Variants in OXCT1 observed in about 807,000 individuals in gnomAD.
OXCT1 encodes 3-oxoacid CoA-transferase 1, also known as succinyl-CoA:3-ketoacid coenzyme A transferase 1, mitochondrial.
A neutral mutation model predicts 69.6 loss-of-function variants in OXCT1; 27 were observed. The ratio of observed to expected loss-of-function variants is 0.39; its 90% CI spans 0.29 to 0.54. The LOEUF is 0.54. Ranked by LOEUF, OXCT1 falls within the 20% of genes least tolerant of loss-of-function variation. The probability of loss-of-function intolerance (pLI) is 0.72; values close to 1 mark genes in which losing one functional copy is unlikely to be tolerated. For synonymous variants in OXCT1, 202 were observed against 217.8 expected (o/e 0.93, Z 0.64); for missense variants, 437 against 650.2 (o/e 0.67, Z 3.57).
chr5:41,842,735 G>A lies in OXCT1; in HGVS notation c.611C>T (p.Thr204Ile), dbSNP rs748810556. The A allele has an allele frequency of 1.2e-6, 2 of 1,613,820 alleles. No individual in the cohort carries two copies. The highest frequency in any genetic ancestry group is 2.2e-5 in the South Asian group (2 of 91,078). The change falls in exon 6 of 17, where the codon ACA becomes ATA. Residue 204 changes from threonine to isoleucine, a missense_variant. By Grantham distance (89) the Thr-to-Ile change is moderately conservative. This residue lies in a region of OXCT1 where 252 missense variants were observed against 397.4 expected (regional missense o/e 0.63). Coordinates refer to ENST00000196371, the MANE Select transcript of OXCT1 (RefSeq NM_000436.4). ...GGCTTTCACCAAAGCAAAATCCCCT[G>A]TAATTGCTTCCTCCAAAATAAAGTG... Reference protein sequence around the residue: ...GQHFILEEAITGDFALVKAWK... With the variant: ...GQHFILEEAIIGDFALVKAWK...
intron 13 of OXCT1, among the ~76,000 whole-genome samples, chr5:41,764,343 A>C (rs375943841): frequency 2.6e-5 from 4 of 152,260 alleles, no homozygotes; most frequent in African/African-American, 9.6e-5. Context: ...ACTGTATGAG[A>C]TGATGTATGC....
At chr5:41,810,194 G>T (rs939161651) in intron 7 of OXCT1, among the ~76,000 whole-genome samples, 1 of 151,968 alleles carries the variant, frequency 6.6e-6, no homozygotes, top group Non-Finnish European at 1.5e-5. Context: ...AGCAATGGGA[G>T]GATTAAAAAG....
At chr5:41,775,146 G>C (rs549627591) in intron 13 of OXCT1, among the ~76,000 whole-genome samples, 1 of 152,166 alleles carries the variant, frequency 6.6e-6, no homozygotes, top group South Asian at 2.1e-4. Flanking sequence ...GTAACCAGCT[G>C]AGTGCCCAAC....
chr5:41,744,524 A>G (rs1268488832), intron 15 of OXCT1, among the ~76,000 whole-genome samples: 5 of 152,096 alleles, frequency 3.3e-5, no homozygotes, highest in Admixed American at 2.6e-4. Context: ...GGTGAGAGAA[A>G]GCATCCCTGT....
At chr5:41,861,477 CTTT>C (rs1749736824) in intron 2 of OXCT1, 73 bp from the exon 3 acceptor site, 1 of 914,982 alleles carries the variant, frequency 1.1e-6, no homozygotes, top group East Asian at 2.4e-5. Context: ...GTGTGTTATT[CTTT>C]TTAAAAGGGA....
At chr5:41,849,006 A>C (rs894911374) in intron 5 of OXCT1, among the ~76,000 whole-genome samples, 8 of 152,202 alleles carry the variant, frequency 5.3e-5, no homozygotes, top group African/African-American at 1.9e-4. Context: ...CAACCTACAA[A>C]ATGGGAGAAA....
intron 13 of OXCT1, among the ~76,000 whole-genome samples, chr5:41,780,527 T>C (rs1369463052): frequency 1.3e-5 from 2 of 152,220 alleles, no homozygotes; most frequent in East Asian, 3.8e-4. Context: ...CACTACTATT[T>C]ACATTGTTTT....
intron 6 of OXCT1, among the ~76,000 whole-genome samples, chr5:41,841,341 G>A (rs946187736): frequency 1.3e-5 from 2 of 152,138 alleles, no homozygotes; most frequent in Non-Finnish European, 2.9e-5. Context: ...CTTGAGAAAG[G>A]AGCCCTCGTG....
intron 4 of OXCT1, 46 bp downstream of exon 4, chr5:41,853,373 T>C (rs749205592): frequency 1.4e-4 from 214 of 1,573,158 alleles, no homozygotes; most frequent in Non-Finnish European, 1.8e-4. Context: ...AAAAAAGGAA[T>C]TTTTAAAGTA....
chr5:41,753,380 A>G (rs1213877858), intron 14 of OXCT1, among the ~76,000 whole-genome samples: 1 of 152,002 alleles, frequency 6.6e-6, no homozygotes, highest in Non-Finnish European at 1.5e-5. Flanking sequence ...TTTCTTTGGC[A>G]AAGCCCTAAT....
At chr5:41,805,373 G>C (rs1746622912) in intron 9 of OXCT1, among the ~76,000 whole-genome samples, 194 bp downstream of exon 9, 1 of 150,934 alleles carries the variant, frequency 6.6e-6, no homozygotes, top group African/African-American at 2.4e-5. Context: ...AGAAGGCAAA[G>C]AGATATCTGT....
intron 13 of OXCT1, among the ~76,000 whole-genome samples, chr5:41,786,377 T>C (rs1032182847): frequency 6.6e-6 from 1 of 152,156 alleles, no homozygotes; most frequent in Non-Finnish European, 1.5e-5. Context: ...CCCTTTCTCT[T>C]GAATTTTGAT....
At chr5:41,735,195 A>G (rs772518590) in intron 16 of OXCT1, among the ~76,000 whole-genome samples, 3 of 152,250 alleles carry the variant, frequency 2.0e-5, no homozygotes, top group Non-Finnish European at 4.4e-5. Flanking sequence ...AAGCAACCCA[A>G]ATGTCTACCA....
intron 7 of OXCT1, among the ~76,000 whole-genome samples, chr5:41,812,449 T>G (rs751129292): frequency 2.0e-5 from 3 of 151,976 alleles, no homozygotes; most frequent in South Asian, 4.1e-4. Context: ...ACAACATGGA[T>G]AGCTTTGTGT....
At chr5:41,790,062 T>TA (rs1222673709) in intron 13 of OXCT1, among the ~76,000 whole-genome samples, 2 of 151,972 alleles carry the variant, frequency 1.3e-5, no homozygotes, top group African/African-American at 4.8e-5. Flanking sequence ...AGGAAAAAAA[T>TA]AAAAAAACAC....
intron 14 of OXCT1, among the ~76,000 whole-genome samples, chr5:41,761,493 C>A (rs772595603): frequency 1.3e-5 from 2 of 152,096 alleles, no homozygotes; most frequent in Non-Finnish European, 2.9e-5. Context: ...TGAATGTAAG[C>A]TTCATGAGAT....
intron 5 of OXCT1, among the ~76,000 whole-genome samples, chr5:41,844,775 A>G (rs1748812017): frequency 6.6e-6 from 1 of 151,672 alleles, no homozygotes; most frequent in African/African-American, 2.4e-5. Context: ...CCCCTTACCT[A>G]TCTACCAGTA....
At chr5:41,794,105 T>C (rs1561081607) in intron 12 of OXCT1, 27 bp from the exon 13 acceptor site, 2 of 1,555,152 alleles carry the variant, frequency 1.3e-6, no homozygotes, top group Non-Finnish European at 1.8e-6. Flanking sequence ...AAGAATAAAG[T>C]GAACCTCATA....
At chr5:41,773,024 A>G (rs1271209985) in intron 13 of OXCT1, among the ~76,000 whole-genome samples, 2 of 152,210 alleles carry the variant, frequency 1.3e-5, no homozygotes, top group Non-Finnish European at 2.9e-5. Flanking sequence ...GGGTCCTATC[A>G]TCACAGGCAG....
Sources: gnomAD v4.1 joint callset for allele counts (sites outside exome capture counted in the v4.1 genomes callset) on GRCh38, gnomAD v4.1.1 for gene constraint, gnomAD v4.1.1 regional missense constraint, MANE v1.5 for transcripts, NCBI Gene and HGNC (gene_info 2026-07-23, HGNC 2026-07-21) for gene names.